TMTC2: variants seen among roughly 807,000 people sequenced by gnomAD.
TMTC2 encodes the protein transmembrane O-mannosyltransferase targeting cadherins 2.
Under a neutral mutation model 82.4 loss-of-function variants are expected in TMTC2, and 43 were observed. The observed-to-expected ratio is 0.52, with a 90% CI of 0.41 to 0.67. The LOEUF (loss-of-function observed/expected upper bound fraction) is 0.67, where lower values mean the gene tolerates loss of function less well. TMTC2 is among the 30% of genes least tolerant of loss of function. The pLI is 0.00. For missense variants in TMTC2, 919 were observed against 1,012.4 expected (o/e 0.91, Z 1.25); for synonymous variants, 408 against 381.9 (o/e 1.07, Z -0.80).
intron 1 of TMTC2, among the ~76,000 whole-genome samples, chr12:82,692,372 A>G (rs1340864173): frequency 6.6e-6 from 1 of 152,206 alleles, no homozygotes; most frequent in East Asian, 1.9e-4. Context: ...AACCTTTTGC[A>G]TTCCAGCATG....
chr12:82,766,257 G>A (rs1876955939), intron 1 of TMTC2, among the ~76,000 whole-genome samples: 1 of 152,098 alleles, frequency 6.6e-6, no homozygotes, highest in Admixed American at 6.5e-5. Context: ...TTCCACTGTA[G>A]GCTTCCTGGA....
intron 7 of TMTC2, among the ~76,000 whole-genome samples, chr12:82,983,564 G>T (rs1879022525): frequency 6.6e-6 from 1 of 152,028 alleles, no homozygotes; most frequent in Admixed American, 6.6e-5. Flanking sequence ...TTTCAGAAGT[G>T]CTCAGGAATT....
At chr12:82,827,860 G>A (rs1428270071) in intron 1 of TMTC2, among the ~76,000 whole-genome samples, 1 of 151,178 alleles carries the variant, frequency 6.6e-6, no homozygotes, top group African/African-American at 2.4e-5. Context: ...ACCATGTCCA[G>A]CTTATTTTTT....
intron 1 of TMTC2, among the ~76,000 whole-genome samples, chr12:82,823,714 C>T (rs1445539793): frequency 6.6e-6 from 1 of 152,052 alleles, no homozygotes; most frequent in East Asian, 1.9e-4. Context: ...TACAGAAAAA[C>T]CCCAGGTAAC....
Position 82,768,550 on chromosome 12 carries a change from C to T in TMTC2, c.83+80881C>T, listed in dbSNP as rs116918948. Among the ~76,000 whole-genome samples the T allele has an allele frequency of 7.8e-3, 1,191 of 152,250 alleles. 5 individuals are homozygous for T. Among genetic ancestry groups the T allele is most frequent in the Non-Finnish European group, 0.011 (736 of 68,028 alleles). ...TGCATTAGTGGAATTTTGCCAAACA[C>T]CTTTTATTTACATCCCACAATGCTG... On this transcript the variant is annotated intron_variant, in intron 1 of 11. Transcript: ENST00000321196.
chr12:82,876,037 T>TGGC (rs1167106090), intron 2 of TMTC2, among the ~76,000 whole-genome samples: 12 of 97,196 alleles, frequency 1.2e-4, no homozygotes, highest in South Asian at 4.0e-4. Flanking sequence ...GCGGTGGTGG[T>TGGC]GGTGGTGGTG....
chr12:82,910,108 G>A (rs920587387), intron 3 of TMTC2, among the ~76,000 whole-genome samples: 1 of 152,164 alleles, frequency 6.6e-6, no homozygotes, highest in Admixed American at 6.5e-5. Context: ...ACGCACTGGT[G>A]CCTATTTCTG....
chr12:82,927,320 G>A (rs1164993209), intron 3 of TMTC2, among the ~76,000 whole-genome samples: 4 of 152,198 alleles, frequency 2.6e-5, no homozygotes, highest in Non-Finnish European at 5.9e-5. Context: ...CAGAGGTCGT[G>A]GAGAGAGCAA....
At chr12:83,034,300 C>T (rs956212202) in intron 9 of TMTC2, among the ~76,000 whole-genome samples, 4 of 151,894 alleles carry the variant, frequency 2.6e-5, no homozygotes, top group South Asian at 2.1e-4. Flanking sequence ...TAAAGGGCTA[C>T]GTTCATACAG....
At chr12:83,007,783 A>G (rs1254879663) in intron 8 of TMTC2, among the ~76,000 whole-genome samples, 3 of 152,160 alleles carry the variant, frequency 2.0e-5, no homozygotes, top group African/African-American at 7.2e-5. Flanking sequence ...GCCTGAAGAA[A>G]ATCTTGTAGG....
intron 2 of TMTC2, among the ~76,000 whole-genome samples, chr12:82,889,875 A>G (rs1180851899): frequency 1.3e-5 from 2 of 152,070 alleles, no homozygotes; most frequent in African/African-American, 2.4e-5. Context: ...TTTTATTACC[A>G]TATTGAAATT....
chr12:82,903,667 C>T (rs2137195773), intron 3 of TMTC2, among the ~76,000 whole-genome samples: 1 of 152,314 alleles, frequency 6.6e-6, no homozygotes, highest in East Asian at 1.9e-4. Context: ...CCCTCCTCGG[C>T]CTCCCAAAGT....
chr12:82,968,676 T>G (rs1332148544), intron 7 of TMTC2, among the ~76,000 whole-genome samples: 3 of 152,178 alleles, frequency 2.0e-5, no homozygotes, highest in Non-Finnish European at 4.4e-5. Context: ...TAGAGTTAGC[T>G]ATTTCAGAAA....
chr12:83,134,866 A>G lies in TMTC2; in HGVS notation c.*2477A>G, dbSNP rs1323773403. The G allele has an allele frequency of 1.3e-5, 2 of 152,248 alleles. No individual in the cohort carries two copies. The highest frequency in any genetic ancestry group is 2.9e-5 in the Non-Finnish European group (2 of 68,046). 9.4% of individuals were successfully genotyped at this position (152,248 alleles called of 1,614,324 possible). The stretch of plus-strand genomic sequence containing the variant: ...TTCAACAATAAAGCATTGATAAGAA[A>G]TATATTGTGTAAGCCGTTTTTAAAT... On this transcript the variant is annotated 3_prime_UTR_variant, in exon 12 of 12. Coordinates refer to ENST00000321196, the MANE Select transcript of TMTC2 (RefSeq NM_152588.3).
intron 8 of TMTC2, among the ~76,000 whole-genome samples, chr12:83,025,571 G>A (rs1450469641): frequency 3.3e-5 from 5 of 152,058 alleles, no homozygotes; most frequent in Non-Finnish European, 5.9e-5. Context: ...ACACCAACAG[G>A]ATGCCCTACT....
At chr12:82,977,836 G>A (rs1012473514) in intron 7 of TMTC2, among the ~76,000 whole-genome samples, 6 of 151,650 alleles carry the variant, frequency 4.0e-5, no homozygotes, top group African/African-American at 1.5e-4. Context: ...ATGTTGGGAG[G>A]GGAATTTGAA....
At chr12:82,768,113 C>G (rs967457601) in intron 1 of TMTC2, among the ~76,000 whole-genome samples, 2 of 152,182 alleles carry the variant, frequency 1.3e-5, no homozygotes, top group Non-Finnish European at 2.9e-5. Flanking sequence ...CCTCTCAGAA[C>G]TTGTACAGGA....
chr12:83,046,605 C>T (rs1234918404), intron 9 of TMTC2, among the ~76,000 whole-genome samples: 1 of 152,116 alleles, frequency 6.6e-6, no homozygotes, highest in Non-Finnish European at 1.5e-5. Context: ...TGTAGTATAC[C>T]TGCACTACCT....
intron 2 of TMTC2, among the ~76,000 whole-genome samples, chr12:82,894,955 A>G (rs1873583637): frequency 6.8e-6 from 1 of 146,168 alleles, no homozygotes. Flanking sequence ...GCACACCACC[A>G]TGCCTGGCAA....
Sources: gnomAD v4.1 joint callset for allele counts (sites outside exome capture counted in the v4.1 genomes callset) on GRCh38, gnomAD v4.1.1 for gene constraint, MANE v1.5 for transcripts, NCBI Gene and HGNC (gene_info 2026-07-23, HGNC 2026-07-21) for gene names.